EXOC4: variants seen among roughly 807,000 people sequenced by gnomAD.
The protein encoded by EXOC4 is SEC8-like 1.
In EXOC4, 71 loss-of-function variants were observed where a neutral mutation model predicts 107.2. The observed-to-expected ratio is 0.66, with a 90% confidence interval of 0.55 to 0.81. EXOC4 has a LOEUF of 0.81. Among genes scored for constraint, EXOC4 ranks in the 30% least tolerant of loss-of-function variants. EXOC4 has a pLI of 0.00. For synonymous variants in EXOC4, 456 were observed against 441.2 expected (o/e 1.03, Z -0.42); for missense variants, 1,108 against 1,189.6 (o/e 0.93, Z 1.01).
chr7:133,945,924 C>T (rs1225958708), intron 14 of EXOC4, among the ~76,000 whole-genome samples: 1 of 152,178 alleles, frequency 6.6e-6, no homozygotes, highest in Non-Finnish European at 1.5e-5. Context: ...TACCCAAGAT[C>T]TCTTGGGAAT....
intron 5 of EXOC4, among the ~76,000 whole-genome samples, chr7:133,326,451 A>G (rs932186253): frequency 1.3e-4 from 20 of 152,194 alleles, no homozygotes; most frequent in Non-Finnish European, 2.6e-4. Context: ...CTGCAGGTCT[A>G]TTGGAGTTTG....
intron 7 of EXOC4, among the ~76,000 whole-genome samples, chr7:133,401,190 A>T (rs1373102310): frequency 4.0e-4 from 51 of 127,962 alleles, no homozygotes; most frequent in Non-Finnish European, 7.3e-4. Flanking sequence ...TTTTTTTTTT[A>T]AACTTGGCAG....
intron 4 of EXOC4, among the ~76,000 whole-genome samples, chr7:133,310,941 A>C (rs900457043): frequency 1.3e-5 from 2 of 152,240 alleles, no homozygotes; most frequent in African/African-American, 4.8e-5. Flanking sequence ...TTTCTACTGC[A>C]AGAGAAAACA....
intron 17 of EXOC4, among the ~76,000 whole-genome samples, chr7:134,046,706 A>G (rs1345547753): frequency 1.3e-5 from 2 of 152,056 alleles, no homozygotes; most frequent in Admixed American, 1.3e-4. Context: ...ACAAAGCAGC[A>G]CCAAGCACTC....
rs554566608 is a variant in EXOC4 at position 133,878,144 on chromosome 7, A to G, written c.1735-17455A>G. ...TCATTATCATTAATGCATTATCAAG[A>G]TAGCATTATCACTATCACAATTAGA... On this transcript the variant is annotated intron_variant, in intron 11 of 17. Transcript: ENST00000253861. 1.2e-3 allele frequency among the ~76,000 whole-genome samples: 185 copies of G among 152,322 alleles called. 1 individual carries two copies. The highest frequency in any genetic ancestry group is 4.3e-3 in the African/African-American group (178 of 41,576).
At position 133,580,153 on chromosome 7, in the gene EXOC4, C is replaced by A. The variant is rs1220763285; in HGVS notation, c.1418-49892C>A. Among the ~76,000 whole-genome samples the A allele has an allele frequency of 3.9e-5, 6 of 152,176 alleles. 1 individual carries two copies. The East Asian group carries it at 1.2e-3, about 29-fold the overall frequency. ...AGAATTCCCTTACTTTTTAAGGCTG[C>A]ATAATATTCCAAAGTATGTATACAT... On this transcript the variant is annotated intron_variant, in intron 9 of 17. Transcript: ENST00000253861.
chr7:133,872,270 A>G (rs1163058295), intron 11 of EXOC4, among the ~76,000 whole-genome samples: 1 of 152,236 alleles, frequency 6.6e-6, no homozygotes, highest in Non-Finnish European at 1.5e-5. Flanking sequence ...TTATAAATGC[A>G]TAGAAAGTTC....
Position 133,467,169 on chromosome 7 carries a change from C to A in EXOC4, c.1183-8159C>A, listed in dbSNP as rs573214463. 2.4e-3 allele frequency among the ~76,000 whole-genome samples: 370 copies of A among 151,482 alleles called. 1 individual carries two copies. The highest frequency in any genetic ancestry group is 8.7e-3 in the African/African-American group (359 of 41,310). On this transcript the variant is annotated intron_variant, in intron 7 of 17. Transcript: ENST00000253861. ...GCATTCTTAATTATTGTTTATAGAA[C>A]CATAATTTTTAAAATCCCTCAAATG...
At chr7:133,300,416 G>A (rs1794616562) in intron 3 of EXOC4, among the ~76,000 whole-genome samples, 1 of 152,098 alleles carries the variant, frequency 6.6e-6, no homozygotes, top group South Asian at 2.1e-4. Context: ...CATAGATCCC[G>A]CAAGAGTCCC....
At chr7:133,553,880 A>C (rs910392963) in intron 9 of EXOC4, among the ~76,000 whole-genome samples, 6 of 152,122 alleles carry the variant, frequency 3.9e-5, no homozygotes, top group Non-Finnish European at 8.8e-5. Flanking sequence ...GCCTCCACCC[A>C]TGTCTATTCT....
At chr7:133,662,128 A>C (rs941186231) in intron 10 of EXOC4, among the ~76,000 whole-genome samples, 5 of 152,134 alleles carry the variant, frequency 3.3e-5, no homozygotes, top group Non-Finnish European at 5.9e-5. Context: ...ACACAACTGC[A>C]ATTGTTAGGG....
At chr7:133,792,311 G>T (rs376974206) in intron 10 of EXOC4, among the ~76,000 whole-genome samples, 1 of 152,046 alleles carries the variant, frequency 6.6e-6, no homozygotes, top group African/African-American at 2.4e-5. Flanking sequence ...TCAGCACTTC[G>T]GGAGGCCAAG....
Position 133,937,836 on chromosome 7 carries a change from G to A in EXOC4, c.2028-55G>A, listed in dbSNP as rs533104653. ...AGGTGTGCCTAAAACAGTGTTGCCC[G>A]GTCCTACCTTTTCCATGCTGTATAT... On this transcript the variant is annotated intron_variant, in intron 13 of 17. Transcript: ENST00000253861. The A allele has an allele frequency of 1.9e-5, 30 of 1,570,046 alleles. No individual in the cohort carries two copies. In the African/African-American group the frequency reaches 2.2e-4, roughly 11 times the overall value.
rs397890140 is a variant in EXOC4, at chr7:133,659,000, C to CTTTTTTTTTTTT, written c.1514+28877_1514+28888dup. On this transcript the variant is annotated intron_variant, in intron 10 of 17. Coordinates refer to ENST00000253861, the MANE Select transcript of EXOC4 (RefSeq NM_021807.4). ...TGATTTGGTGAAGACTTCAGAGAAG[C>CTTTTTTTTTTTT]TTTTTTTTTTTTTTTTTTTTTTTTT... Among the ~76,000 whole-genome samples, 5 of 40,108 alleles carry CTTTTTTTTTTTT rather than the reference C, an allele frequency of 1.2e-4. 1 individual carries two copies. The highest frequency in any genetic ancestry group is 5.1e-4 in the African/African-American group (5 of 9,828). 26.3% of individuals were successfully genotyped at this position (40,108 alleles called of 152,430 possible).
chr7:133,926,418 C>T (rs1013342181), intron 13 of EXOC4, among the ~76,000 whole-genome samples: 4 of 152,206 alleles, frequency 2.6e-5, no homozygotes, highest in Non-Finnish European at 4.4e-5. Flanking sequence ...GCTAATGTCA[C>T]AGACATTTAT....
chr7:133,277,046 C>T (rs1490436415), intron 2 of EXOC4, among the ~76,000 whole-genome samples: 1 of 151,896 alleles, frequency 6.6e-6, no homozygotes. Context: ...ACTGCAGCCT[C>T]CGCCTCCCGG....
intron 9 of EXOC4, among the ~76,000 whole-genome samples, chr7:133,609,590 T>A (rs1563125821): frequency 1.3e-5 from 2 of 152,232 alleles, no homozygotes; most frequent in Non-Finnish European, 2.9e-5. Context: ...AGTAAACATT[T>A]ATATGTGTAA....
At chr7:133,415,852 G>A (rs980366828) in intron 7 of EXOC4, among the ~76,000 whole-genome samples, 1 of 152,080 alleles carries the variant, frequency 6.6e-6, no homozygotes, top group Middle Eastern at 3.2e-3. Context: ...TTTTGCCAAG[G>A]AACAATTAAA....
chr7:133,829,158 G>A (rs551344114), intron 11 of EXOC4, among the ~76,000 whole-genome samples: 30 of 152,318 alleles, frequency 2.0e-4, no homozygotes, highest in African/African-American at 6.7e-4. Flanking sequence ...TGACCATCGC[G>A]TGTTCTTGAG....
Sources: allele counts gnomAD v4.1 joint callset (sites outside exome capture counted in the v4.1 genomes callset), GRCh38; gene constraint gnomAD v4.1.1; transcripts MANE v1.5; gene names NCBI Gene and HGNC (gene_info 2026-07-23, HGNC 2026-07-21).